ATPAF2: variants seen among roughly 807,000 people sequenced by gnomAD.
The protein encoded by ATPAF2 is ATP synthase mitochondrial F1 complex assembly factor 2, also known as ATP12 homolog.
In ATPAF2, 30 loss-of-function variants were observed where a neutral mutation model predicts 36.6. The observed-to-expected ratio is 0.82, with a 90% CI of 0.61 to 1.11. ATPAF2 has a LOEUF of 1.11. ATPAF2 is among the 50% of genes most tolerant of loss of function. ATPAF2 has a pLI of 0.00. For missense variants in ATPAF2, 321 were observed against 372.3 expected (o/e 0.86, Z 1.13); for synonymous variants, 140 against 152.6 (o/e 0.92, Z 0.61).
chr17:18,037,999 A>G (rs886464631), intron 1 of ATPAF2, among the ~76,000 whole-genome samples: 2 of 152,238 alleles, frequency 1.3e-5, no homozygotes, highest in African/African-American at 4.8e-5. Flanking sequence ...GTGTTCTCAC[A>G]GTTTCTTTGT....
chr17:18,016,176 G>A (rs1490736472), downstream of ATPAF2: 3 of 1,613,854 alleles, frequency 1.9e-6, no homozygotes, highest in African/African-American at 4.0e-5. Context: ...AACTCTTGGT[G>A]TACACGTTTA....
intron 1 of ATPAF2, among the ~76,000 whole-genome samples, chr17:18,033,383 C>T (rs1344339655): frequency 1.4e-5 from 2 of 143,572 alleles, no homozygotes; most frequent in Non-Finnish European, 3.1e-5. Flanking sequence ...AAAAAAAGAA[C>T]ATGATCTGGA....
chr17:18,026,536 G>A (rs945330717), intron 3 of ATPAF2, 120 bp from the exon 4 acceptor site: 43 of 804,726 alleles, frequency 5.3e-5, no homozygotes, highest in Admixed American at 7.1e-5. Context: ...CCCTCCACCA[G>A]AGGCGTCTGC....
intron 1 of ATPAF2, among the ~76,000 whole-genome samples, chr17:18,031,274 C>T (rs895460282): frequency 1.3e-5 from 2 of 151,980 alleles, no homozygotes; most frequent in Non-Finnish European, 2.9e-5. Context: ...TGCGCCCAGC[C>T]TACTCCAAAT....
At chr17:18,016,246 A>T, downstream of ATPAF2, 12 of 1,593,448 alleles carry the variant, frequency 7.5e-6, no homozygotes, top group Non-Finnish European at 1.0e-5. Flanking sequence ...TTTCTAGCTG[A>T]CATGGAAATC....
intron 5 of ATPAF2, among the ~76,000 whole-genome samples, chr17:18,022,594 C>CTTTTTT (rs34473758): frequency 4.9e-5 from 6 of 121,394 alleles, no homozygotes; most frequent in African/African-American, 9.1e-5. Context: ...TTTTTTCAAA[C>CTTTTTT]TTTTTTTTTT....
intron 4 of ATPAF2, chr17:18,025,120 T>C: frequency 3.1e-6 from 1 of 323,598 alleles, no homozygotes. Context: ...CCACACCCGC[T>C]TGACCCAGAT....
At position 18,039,045 on chromosome 17, in the gene ATPAF2, C is replaced by G; in HGVS notation, c.-32G>C. 1 of 1,569,474 alleles carries G rather than the reference C, an allele frequency of 6.4e-7. No individual in the cohort carries two copies. Among genetic ancestry groups the G allele is most frequent in the Non-Finnish European group, 8.6e-7 (1 of 1,157,074 alleles). On this transcript the variant is annotated 5_prime_UTR_variant, in exon 1 of 8. Transcript: ENST00000474627. This position sits in a 1 kb window ranked among gnomAD's most constrained non-coding sequence, Gnocchi z 5.3. The stretch of plus-strand genomic sequence containing the variant: ...CGAGGGTCTGGGAAGATGCGAGACG[C>G]GAAACCTGGAGCAGGAAACACAGAG...
At chr17:18,015,115 T>C (rs1395585794), downstream of ATPAF2, 5 of 152,266 alleles carry the variant, frequency 3.3e-5, no homozygotes, top group African/African-American at 1.2e-4. Context: ...CAGAATACTT[T>C]GTGCCCAGCA....
chr17:18,031,645 T>C (rs1202224073), intron 1 of ATPAF2, among the ~76,000 whole-genome samples: 1 of 151,940 alleles, frequency 6.6e-6, no homozygotes. Flanking sequence ...CCGGGCGTGG[T>C]GGCGGGCGCC....
At chr17:18,028,466 C>T in intron 2 of ATPAF2, 89 bp from the exon 3 acceptor site, 2 of 1,568,092 alleles carry the variant, frequency 1.3e-6, no homozygotes, top group Non-Finnish European at 1.7e-6. Context: ...TTGGTGCAGA[C>T]AAAGCCAACT....
intron 1 of ATPAF2, among the ~76,000 whole-genome samples, chr17:18,038,290 C>T (rs149960140): frequency 1.3e-5 from 2 of 152,346 alleles, no homozygotes; most frequent in African/African-American, 2.4e-5. Flanking sequence ...GCCACTACTT[C>T]TAAGCTTCAT....
At chr17:18,036,835 G>T (rs1259425643) in intron 1 of ATPAF2, among the ~76,000 whole-genome samples, 4 of 152,174 alleles carry the variant, frequency 2.6e-5, no homozygotes, top group African/African-American at 9.7e-5. Context: ...CATTTGGGAG[G>T]CTGAGGCGGG....
At chr17:18,021,062 C>A in intron 7 of ATPAF2, 61 bp downstream of exon 7, 1 of 1,562,016 alleles carries the variant, frequency 6.4e-7, no homozygotes, top group Non-Finnish European at 8.7e-7. Context: ...GGGTTAGCTG[C>A]TCCCCCAAAG....
At chr17:18,035,867 A>C (rs2145524197) in intron 1 of ATPAF2, among the ~76,000 whole-genome samples, 1 of 152,340 alleles carries the variant, frequency 6.6e-6, no homozygotes, top group Admixed American at 6.5e-5. Flanking sequence ...AGAGAAGCTA[A>C]ACATCTTGTC....
intron 1 of ATPAF2, among the ~76,000 whole-genome samples, chr17:18,036,674 G>C (rs1333376699): frequency 6.6e-6 from 1 of 152,096 alleles, no homozygotes. Flanking sequence ...CCATGTGCCA[G>C]GTACTTCCAA....
chr17:18,031,267 G>A (rs1056737874), intron 1 of ATPAF2, among the ~76,000 whole-genome samples: 10 of 151,716 alleles, frequency 6.6e-5, no homozygotes, highest in African/African-American at 1.2e-4. Context: ...GAGCCACTGC[G>A]CCCAGCCTAC....
chr17:18,027,174 T>A (rs1194553777), intron 3 of ATPAF2, among the ~76,000 whole-genome samples: 1 of 151,790 alleles, frequency 6.6e-6, no homozygotes, highest in Admixed American at 6.6e-5. Context: ...TGAGCCGAGA[T>A]TATGCCATTG....
Position 18,024,608 on chromosome 17 carries a change from G to A in ATPAF2, c.503+16C>T, listed in dbSNP as rs751690397. 66 of 1,611,366 alleles carry A rather than the reference G, an allele frequency of 4.1e-5. No individual in the cohort carries two copies. Among genetic ancestry groups the A allele is most frequent in the Non-Finnish European group, 4.1e-5 (48 of 1,177,990 alleles). ...AGGTGCCCAGTCAGTGCTTTCTGCAGGGCTGTACATCTTACCTTTTCTCAG... is the reference window on the plus strand; with the variant it reads ...AGGTGCCCAGTCAGTGCTTTCTGCAAGGCTGTACATCTTACCTTTTCTCAG... On this transcript the variant is annotated intron_variant, in intron 5 of 7. Coordinates refer to ENST00000474627, the MANE Select transcript of ATPAF2 (RefSeq NM_145691.4).
Sources: allele counts gnomAD v4.1 joint callset (sites outside exome capture counted in the v4.1 genomes callset), GRCh38; gene constraint gnomAD v4.1.1; non-coding constraint Gnocchi (gnomAD v3.1); transcripts MANE v1.5; gene names NCBI Gene and HGNC (gene_info 2026-07-23, HGNC 2026-07-21).